The following MTRF1 variants were observed in gnomAD, a reference collection of about 807,000 sequenced individuals.
The protein encoded by MTRF1 is mitochondrial translation release factor 1.
MTRF1 carries 51 observed loss-of-function variants against 62.9 expected under a neutral mutation model. The observed-to-expected ratio is 0.81, with a 90% CI of 0.65 to 1.02. The LOEUF is 1.02. Ranked by LOEUF, MTRF1 falls within the 50% of genes least tolerant of loss-of-function variation. The probability of loss-of-function intolerance (pLI) is 0.00; values close to 1 mark genes in which losing one functional copy is unlikely to be tolerated. For synonymous variants in MTRF1, 158 were observed against 181.9 expected, an observed-to-expected ratio of 0.87 and a Z score of 1.06; for missense variants, 446 against 530.0, an observed-to-expected ratio of 0.84 and a Z score of 1.56.
At chr13:41,311,501 C>A in the MTRF1 span, 2 of 1,580,662 alleles carry the variant, frequency 1.3e-6, no homozygotes, top group Non-Finnish European at 1.7e-6. Context: ...GCCTCCCTGC[C>A]GGCCACCTAG....
At chr13:41,280,029 C>T in the MTRF1 span, among the ~76,000 whole-genome samples, 1 of 152,232 alleles carries the variant, frequency 6.6e-6, no homozygotes, top group South Asian at 2.1e-4. Flanking sequence ...CCTCCGTCTC[C>T]CAGGTTCAAG....
intron 2 of MTRF1, among the ~76,000 whole-genome samples, chr13:41,258,380 T>C (rs2039991922): frequency 6.6e-6 from 1 of 152,110 alleles, no homozygotes; most frequent in African/African-American, 2.4e-5. Context: ...TAAACTTTTC[T>C]CTCAACTTCT....
chr13:41,291,092 G>A, the MTRF1 span, among the ~76,000 whole-genome samples: 54 of 22,508 alleles, frequency 2.4e-3, no homozygotes, highest in South Asian at 0.073. Context: ...GCAAAACTCC[G>A]TCTCAAAAAA....
At chr13:41,249,204 T>G (rs2038696865) in intron 5 of MTRF1, among the ~76,000 whole-genome samples, 1 of 152,188 alleles carries the variant, frequency 6.6e-6, no homozygotes, top group Non-Finnish European at 1.5e-5. Flanking sequence ...TTGCCCTTTC[T>G]TTATCCACAC....
chr13:41,240,425 G>A lies in MTRF1; in HGVS notation c.706C>T (p.His236Tyr). 1 of 1,613,150 alleles carries A rather than the reference G, an allele frequency of 6.2e-7. No individual in the cohort carries two copies. Among genetic ancestry groups the A allele is most frequent in the Non-Finnish European group, 8.5e-7 (1 of 1,179,574 alleles). ...NYTPADYGGL[H>Y]HAAARISGDG... The stretch of plus-strand genomic sequence containing the variant: ...CCGGAAATTCGGGCGGCTGCATGAT[G>A]TAGTCCACCTAGGGGAACAACAATC... The change falls in exon 6 of 10, where the codon CAT becomes TAT. Residue 236 changes from histidine (H) to tyrosine (Y), a missense_variant. His to Tyr is a moderately conservative substitution (Grantham distance 83). Transcript: ENST00000379480.
intron 8 of MTRF1, among the ~76,000 whole-genome samples, chr13:41,225,965 A>C (rs1038056931): frequency 6.6e-6 from 1 of 151,672 alleles, no homozygotes; most frequent in African/African-American, 2.4e-5. Flanking sequence ...CAAATGGTAC[A>C]TAATGAAAAA....
chr13:41,291,543 C>T, the MTRF1 span, among the ~76,000 whole-genome samples: 1 of 152,104 alleles, frequency 6.6e-6, no homozygotes, highest in Non-Finnish European at 1.5e-5. Context: ...AACTGCTTCT[C>T]CCTATCCTTC....
chr13:41,309,787 G>A, the MTRF1 span, among the ~76,000 whole-genome samples: 1 of 151,986 alleles, frequency 6.6e-6, no homozygotes, highest in Non-Finnish European at 1.5e-5. Context: ...ACCTGAGGTC[G>A]GGAGTTTGAG....
chr13:41,249,274 G>T (rs2038706911), intron 5 of MTRF1, among the ~76,000 whole-genome samples: 1 of 152,120 alleles, frequency 6.6e-6, no homozygotes, highest in African/African-American at 2.4e-5. Flanking sequence ...GGGCGCGGTG[G>T]CTCACGCCTG....
Position 41,260,725 on chromosome 13 carries a change from A to G in MTRF1, c.183T>C (p.Tyr61=), listed in dbSNP as rs142440797. ...AGAGCATCTTGGTGTCTTGATGGCA[A>G]TATCTCCTGGACCAATTCTTACTTA... is the stretch of plus-strand genomic sequence containing the variant. ...HLLSKNWSRR[Y]CHQDTKMLWK... is the part of the protein sequence containing the mutation. The change falls in exon 2 of 10, where the codon TAT becomes TAC. Residue 61 remains tyrosine (Y), a synonymous_variant. Coordinates refer to ENST00000379480, the MANE Select transcript of MTRF1 (RefSeq NM_004294.4). The G allele has an allele frequency of 1.3e-5, 21 of 1,614,068 alleles. No homozygotes were observed. In the African/African-American group the frequency reaches 2.1e-4, roughly 16 times the overall value.
intron 7 of MTRF1, among the ~76,000 whole-genome samples, chr13:41,227,949 T>C (rs1450684210): frequency 6.6e-6 from 1 of 152,150 alleles, no homozygotes; most frequent in African/African-American, 2.4e-5. Flanking sequence ...TGTCTGGAGT[T>C]TTCTTGACTC....
intron 1 of MTRF1, chr13:41,261,769 T>C: frequency 1.0e-6 from 1 of 984,878 alleles, no homozygotes; most frequent in South Asian, 4.7e-5. Flanking sequence ...GACTCAGTAA[T>C]TTTCACTCTC....
chr13:41,225,672 A>G (rs575843493), intron 8 of MTRF1, among the ~76,000 whole-genome samples: 77 of 151,928 alleles, frequency 5.1e-4, no homozygotes, highest in African/African-American at 1.8e-3. Context: ...AGCCAGGTGT[A>G]GTGGCACGTG....
At chr13:41,223,416 A>G (rs1035380219) in intron 8 of MTRF1, 62 bp from the exon 9 acceptor site, 2 of 1,337,950 alleles carry the variant, frequency 1.5e-6, no homozygotes, top group Non-Finnish European at 2.1e-6. Context: ...TACAATGGAA[A>G]AAGCACTTGG....
chr13:41,304,298 T>C, the MTRF1 span, among the ~76,000 whole-genome samples: 1 of 152,212 alleles, frequency 6.6e-6, no homozygotes, highest in Admixed American at 6.5e-5. Context: ...AGGATCTTAC[T>C]TATTGCCCAG....
chr13:41,233,902 G>A lies in MTRF1; in HGVS notation c.976C>T (p.His326Tyr), dbSNP rs1457832309. Reference sequence around the variant, plus strand: ...GGGGCTTGCTTACCTGTGGGGATGTGGACAAGTCTGACGGCACTATCAGTT... The same window carrying A: ...GGGGCTTGCTTACCTGTGGGGATGTAGACAAGTCTGACGGCACTATCAGTT... ...NKTDSAVRLVHIPTGLVVECQ... is the reference protein window; with the variant it reads ...NKTDSAVRLVYIPTGLVVECQ... Residue 326 changes from histidine to tyrosine, a missense_variant, in exon 7 of 10, where the codon CAC becomes TAC. His to Tyr is a moderately conservative substitution (Grantham distance 83, BLOSUM62 2). Transcript: ENST00000379480. The A allele has an allele frequency of 6.2e-7, 1 of 1,613,018 alleles. No individual in the cohort carries two copies. Among genetic ancestry groups the A allele is most frequent in the Non-Finnish European group, 8.5e-7 (1 of 1,178,998 alleles).
At chr13:41,296,763 T>C in the MTRF1 span, among the ~76,000 whole-genome samples, 47 of 152,106 alleles carry the variant, frequency 3.1e-4, no homozygotes, top group African/African-American at 1.0e-3. Context: ...CTAAAAATTA[T>C]ATAAAAGTTA....
the MTRF1 span, among the ~76,000 whole-genome samples, chr13:41,290,190 G>A: frequency 1.7e-4 from 24 of 141,008 alleles, no homozygotes; most frequent in East Asian, 4.9e-3. Flanking sequence ...TCCGCCTCCC[G>A]GGTTTTACGC....
At chr13:41,259,296 G>A (rs896930605) in intron 2 of MTRF1, among the ~76,000 whole-genome samples, 4 of 152,090 alleles carry the variant, frequency 2.6e-5, no homozygotes, top group Admixed American at 6.6e-5. Flanking sequence ...TCACAGTATC[G>A]TTATTTATAA....
Sources: allele counts gnomAD v4.1 joint callset (sites outside exome capture counted in the v4.1 genomes callset), GRCh38; gene constraint gnomAD v4.1.1; transcripts MANE v1.5; gene names NCBI Gene and HGNC (gene_info 2026-07-23, HGNC 2026-07-21).